PDIA6: variants seen among roughly 807,000 people sequenced by gnomAD.
The protein encoded by PDIA6 is protein disulfide isomerase family A member 6.
In PDIA6, 29 loss-of-function variants were observed where a neutral mutation model predicts 58.4. The observed-to-expected ratio is 0.50, with a 90% confidence interval of 0.37 to 0.68. The LOEUF (loss-of-function observed/expected upper bound fraction) is 0.68. Among genes scored for constraint, PDIA6 ranks in the 30% least tolerant of loss-of-function variants. The pLI is 0.00. For missense variants in PDIA6, 480 were observed against 551.0 expected, an observed-to-expected ratio of 0.87 and a Z score of 1.29; for synonymous variants, 192 against 202.6, an observed-to-expected ratio of 0.95 and a Z score of 0.44.
chr2:10,835,821 CGGGCGGATCATTTGA>C (rs1234434493), upstream of PDIA6, among the ~76,000 whole-genome samples: 2 of 152,184 alleles, frequency 1.3e-5, no homozygotes, highest in Non-Finnish European at 2.9e-5. Flanking sequence ...GAGACCGAGG[CGGGCGGATCATTTGA>C]GGTCAGGAGT....
chr2:10,832,930 C>G (rs1416630939), upstream of PDIA6, among the ~76,000 whole-genome samples: 1 of 151,408 alleles, frequency 6.6e-6, no homozygotes, highest in African/African-American at 2.4e-5. Flanking sequence ...CCCCGCCCCC[C>G]CAGCCACTGA....
chr2:10,822,201 A>T (rs1260569052), intron 1 of PDIA6, among the ~76,000 whole-genome samples: 1 of 151,942 alleles, frequency 6.6e-6, no homozygotes, highest in Non-Finnish European at 1.5e-5. Context: ...GGCCTGCTAG[A>T]GTGTTGAGAT....
intron 8 of PDIA6, among the ~76,000 whole-genome samples, chr2:10,789,189 G>C (rs574543443): frequency 6.6e-6 from 1 of 152,344 alleles, no homozygotes; most frequent in Non-Finnish European, 1.5e-5. Flanking sequence ...CTGTGGTGGT[G>C]GAGGTGGGGT....
intron 12 of PDIA6, 51 bp downstream of exon 12, chr2:10,784,883 A>C: frequency 7.6e-7 from 1 of 1,317,430 alleles, no homozygotes; most frequent in Non-Finnish European, 1.1e-6. Context: ...CACAGGCTCA[A>C]GAGAGTAAAC....
chr2:10,804,232 A>C (rs1303022523), intron 1 of PDIA6, among the ~76,000 whole-genome samples: 1 of 150,202 alleles, frequency 6.7e-6, no homozygotes, highest in Admixed American at 6.7e-5. Context: ...TTGACAAAAA[A>C]GTTTAAAAAA....
At chr2:10,810,138 A>G (rs1405380709) in intron 1 of PDIA6, 2 of 678,886 alleles carry the variant, frequency 2.9e-6, no homozygotes, top group Non-Finnish European at 5.2e-6. Flanking sequence ...GCATTTTTCT[A>G]AACATTTTGC....
chr2:10,788,620 A>C, intron 10 of PDIA6, 77 bp downstream of exon 10: 1 of 990,416 alleles, frequency 1.0e-6, no homozygotes, highest in East Asian at 2.4e-5. Flanking sequence ...GCTTACAAAA[A>C]CACGGGGGAA....
chr2:10,793,804 G>A lies in PDIA6; in HGVS notation c.347-602C>T, dbSNP rs556559836. ...GCTTAATATCTAGCTGAGAAAGCAG[G>A]GGAATTTCCCAAATAAAAAAGGAAC... On this transcript the variant is annotated intron_variant, in intron 4 of 12. Transcript: ENST00000272227. Among the ~76,000 whole-genome samples the A allele has an allele frequency of 2.0e-5, 3 of 152,270 alleles. No individual in the cohort carries two copies. In the East Asian group the frequency reaches 5.8e-4, roughly 29 times the overall value.
At chr2:10,820,375 T>C (rs934713629) in intron 1 of PDIA6, among the ~76,000 whole-genome samples, 2 of 152,138 alleles carry the variant, frequency 1.3e-5, no homozygotes, top group African/African-American at 4.8e-5. Flanking sequence ...CCCACCCCAG[T>C]ATTTTATTAC....
intron 1 of PDIA6, among the ~76,000 whole-genome samples, chr2:10,811,637 C>T (rs1040690169): frequency 2.8e-4 from 42 of 152,192 alleles, no homozygotes; most frequent in Admixed American, 2.7e-3. Context: ...AGTCACAGAG[C>T]CAGTAAATAG....
chr2:10,786,912 C>T (rs1734436), intron 11 of PDIA6, among the ~76,000 whole-genome samples: 37,505 of 152,024 alleles, frequency 0.25, 5,274 homozygotes, highest in East Asian at 0.4. Flanking sequence ...ATGGAAACCA[C>T]ATTTCCCCAA....
At chr2:10,786,279 T>C (rs1245610199) in intron 11 of PDIA6, among the ~76,000 whole-genome samples, 3 of 149,778 alleles carry the variant, frequency 2.0e-5, no homozygotes, top group Non-Finnish European at 4.4e-5. Context: ...GCCGAGATCG[T>C]GCCAGCCCGG....
At chr2:10,806,059 C>T (rs1666727631) in intron 1 of PDIA6, among the ~76,000 whole-genome samples, 1 of 141,534 alleles carries the variant, frequency 7.1e-6, no homozygotes, top group Non-Finnish European at 1.5e-5. Context: ...AAAAACCTTA[C>T]AGAATACGGA....
At chr2:10,789,625 A>G (rs1665940885) in intron 8 of PDIA6, 124 bp downstream of exon 8, 2 of 846,668 alleles carry the variant, frequency 2.4e-6, no homozygotes, top group Non-Finnish European at 3.6e-6. Context: ...ATTTCAAAGT[A>G]TAGAAACCAC....
intron 12 of PDIA6, 133 bp from the exon 13 acceptor site, chr2:10,784,459 T>A (rs1183943755): frequency 3.1e-6 from 2 of 636,302 alleles, no homozygotes; most frequent in Admixed American, 3.2e-5. Context: ...GTCTGACTCC[T>A]ACCCTGACCT....
chr2:10,832,410 A>C (rs573653556), exon 1 of PDIA6: 207 of 985,216 alleles, frequency 2.1e-4, no homozygotes, highest in Non-Finnish European at 2.4e-4. Flanking sequence ...CACAAACACC[A>C]CCTGGTGGGA....
chr2:10,813,354 C>T (rs1298306946), upstream of PDIA6, among the ~76,000 whole-genome samples: 1 of 152,166 alleles, frequency 6.6e-6, no homozygotes, highest in Non-Finnish European at 1.5e-5. Context: ...CCTTCTCCTC[C>T]TTCTCTGGAG....
rs200468710 is a variant in PDIA6 at position 10,787,253 on chromosome 2, C to A, written c.1157+28G>T. 2,890 of 1,604,834 alleles carry A rather than the reference C, an allele frequency of 1.8e-3. 4 individuals carry two copies. Among genetic ancestry groups the A allele is most frequent in the South Asian group, 3.0e-3 (276 of 90,830 alleles). The stretch of plus-strand genomic sequence containing the variant: ...AACAGAACCAAACAAACAGACAAAA[C>A]AACAAACAACCTAAGAAAACAAATT... On this transcript the variant is annotated intron_variant, in intron 11 of 12. Coordinates refer to ENST00000272227, the MANE Select transcript of PDIA6 (RefSeq NM_005742.4).
upstream of PDIA6, among the ~76,000 whole-genome samples, chr2:10,815,085 G>T (rs28448520): frequency 6.7e-6 from 1 of 148,200 alleles, no homozygotes; most frequent in African/African-American, 2.5e-5. Context: ...CACAGGCTTC[G>T]GGAAATGCAC....
Sources: gnomAD v4.1 joint callset for allele counts (sites outside exome capture counted in the v4.1 genomes callset) on GRCh38, gnomAD v4.1.1 for gene constraint, MANE v1.5 for transcripts, NCBI Gene and HGNC (gene_info 2026-07-23, HGNC 2026-07-21) for gene names.